SH3D19: variants seen among roughly 807,000 people sequenced by gnomAD.
The protein encoded by SH3D19 is SH3 domain-containing protein 19.
SH3D19 carries 58 observed loss-of-function variants against 112.1 expected under a neutral mutation model. The ratio of observed to expected loss-of-function variants is 0.52; its 90% CI spans 0.42 to 0.64. SH3D19 has a LOEUF of 0.64. SH3D19 is among the 30% of genes least tolerant of loss of function. SH3D19 has a pLI of 0.00. For missense variants in SH3D19, 1,090 were observed against 1,263.4 expected (o/e 0.86, Z 2.08); for synonymous variants, 391 against 448.5 (o/e 0.87, Z 1.62).
At chr4:151,254,952 G>C (rs1221410358) in intron 1 of SH3D19, among the ~76,000 whole-genome samples, 1 of 149,662 alleles carries the variant, frequency 6.7e-6, no homozygotes, top group Admixed American at 6.6e-5. Flanking sequence ...GCGGGGGGCT[G>C]ACGCCCCCAC....
At chr4:151,157,557 A>C (rs1230652198) in intron 9 of SH3D19, among the ~76,000 whole-genome samples, 1 of 152,228 alleles carries the variant, frequency 6.6e-6, no homozygotes, top group Non-Finnish European at 1.5e-5. Context: ...TACAAATAGA[A>C]CTACCATATG....
At chr4:151,317,091 A>G (rs938758590) in intron 1 of SH3D19, among the ~76,000 whole-genome samples, 1 of 152,180 alleles carries the variant, frequency 6.6e-6, no homozygotes, top group Non-Finnish European at 1.5e-5. Flanking sequence ...ATGACAAGTT[A>G]TGCTAGACAA....
At chr4:151,299,134 C>T (rs1472212213) in intron 1 of SH3D19, among the ~76,000 whole-genome samples, 1 of 152,154 alleles carries the variant, frequency 6.6e-6, no homozygotes, top group African/African-American at 2.4e-5. Context: ...GCTATGGTTG[C>T]AACTACTGCA....
intron 1 of SH3D19, among the ~76,000 whole-genome samples, chr4:151,289,918 T>G (rs981036534): frequency 6.6e-6 from 1 of 152,096 alleles, no homozygotes. Flanking sequence ...CATCTCTAAA[T>G]AAACAAAGAA....
chr4:151,211,209 G>A (rs1236064305), intron 2 of SH3D19, among the ~76,000 whole-genome samples: 1 of 151,576 alleles, frequency 6.6e-6, no homozygotes, highest in African/African-American at 2.4e-5. Flanking sequence ...GGCAGAAGTT[G>A]CAGTGAGCCA....
At chr4:151,205,184 T>C (rs1024280095) in intron 2 of SH3D19, among the ~76,000 whole-genome samples, 6 of 152,074 alleles carry the variant, frequency 3.9e-5, no homozygotes, top group African/African-American at 1.4e-4. Flanking sequence ...CATACAAAGG[T>C]ATCCTGGGAA....
intron 1 of SH3D19, among the ~76,000 whole-genome samples, chr4:151,317,666 T>A (rs1455179505): frequency 6.6e-6 from 1 of 152,094 alleles, no homozygotes; most frequent in African/African-American, 2.4e-5. Context: ...GAGCTTTCAG[T>A]GGACAATAAA....
chr4:151,210,010 A>G (rs1365958017), intron 2 of SH3D19, among the ~76,000 whole-genome samples: 1 of 152,226 alleles, frequency 6.6e-6, no homozygotes, highest in Non-Finnish European at 1.5e-5. Flanking sequence ...ATGGCCAAAT[A>G]GCGTAGGACC....
At chr4:151,258,583 CT>C (rs1436092225) in intron 1 of SH3D19, among the ~76,000 whole-genome samples, 2 of 152,208 alleles carry the variant, frequency 1.3e-5, no homozygotes, top group Non-Finnish European at 2.9e-5. Context: ...CCAACCTTCC[CT>C]TTTTCTTACC....
chr4:151,208,585 G>T (rs1030177346), intron 2 of SH3D19, among the ~76,000 whole-genome samples: 8 of 152,012 alleles, frequency 5.3e-5, no homozygotes, highest in Admixed American at 5.2e-4. Context: ...TGTCAGGCTG[G>T]TCTCCAACTC....
At chr4:151,198,856 C>T (rs531774654) in intron 2 of SH3D19, among the ~76,000 whole-genome samples, 7 of 152,088 alleles carry the variant, frequency 4.6e-5, no homozygotes, top group East Asian at 1.9e-4. Flanking sequence ...ATAAACACAA[C>T]GTGGAAACAG....
chr4:151,169,247 T>C (rs1434030899), intron 7 of SH3D19, among the ~76,000 whole-genome samples: 2 of 152,358 alleles, frequency 1.3e-5, no homozygotes, highest in East Asian at 3.9e-4. Flanking sequence ...TTTTAATAAC[T>C]GGCACTCAGA....
intron 2 of SH3D19, among the ~76,000 whole-genome samples, chr4:151,220,038 T>C (rs1332686189): frequency 1.3e-5 from 2 of 152,236 alleles, no homozygotes; most frequent in South Asian, 2.1e-4. Flanking sequence ...CTTTCCCTCA[T>C]TGATCCGTAA....
intron 1 of SH3D19, among the ~76,000 whole-genome samples, chr4:151,297,110 G>A (rs961298665): frequency 6.6e-6 from 1 of 152,176 alleles, no homozygotes; most frequent in Non-Finnish European, 1.5e-5. Context: ...AAGGAGGAAG[G>A]GGAGGAGTCA....
chr4:151,128,098 AG>A (rs1359406608), intron 18 of SH3D19, 71 bp downstream of exon 18: 1 of 1,269,186 alleles, frequency 7.9e-7, no homozygotes. Context: ...CAGAGGGGAA[AG>A]GAATGTATAT....
At position 151,311,768 on chromosome 4, in the gene SH3D19, A is replaced by G. The variant is rs115854337; in HGVS notation, c.112+13473T>C. Among the ~76,000 whole-genome samples the G allele has an allele frequency of 4.2e-3, 642 of 152,266 alleles. 4 individuals are homozygous for G. The highest frequency in any genetic ancestry group is 0.013 in the African/African-American group (560 of 41,558). ...GGTGGGAAGACCATTTGAGCCCGGG[A>G]GGTCAAGGCTTCAGTGAGCCGTGAT... On this transcript the variant is annotated intron_variant, in intron 1 of 19. Transcript: ENST00000604030.
chr4:151,325,232 G>T lies in SH3D19; in HGVS notation c.112+9C>A. 2 of 1,215,336 alleles carry T rather than the reference G, an allele frequency of 1.6e-6. No homozygotes were observed. Among genetic ancestry groups the T allele is most frequent in the Non-Finnish European group, 2.0e-6 (2 of 975,916 alleles). 75.3% of individuals were successfully genotyped at this position (1,215,336 alleles called of 1,614,324 possible). A position where few individuals can be genotyped will look rare whatever the true frequency, so the allele number is the denominator to read the frequency against. ...GGGTCCCCGCCGCCCCGTCCCCCGC[G>T]CCTCTCACCTGCGGCCGAGTGGCCC... On this transcript the variant is annotated intron_variant, in intron 1 of 19. Coordinates refer to ENST00000604030, the MANE Select transcript of SH3D19 (RefSeq NM_001378122.1).
intron 2 of SH3D19, among the ~76,000 whole-genome samples, chr4:151,219,431 A>G (rs893010387): frequency 6.6e-6 from 1 of 152,200 alleles, no homozygotes; most frequent in Admixed American, 6.5e-5. Context: ...ATCCCATTGC[A>G]GTTGTCCCTA....
chr4:151,136,582 T>TTGA (rs34884319), intron 14 of SH3D19, among the ~76,000 whole-genome samples: 130,924 of 152,006 alleles, frequency 0.86, 57,130 homozygotes, highest in Non-Finnish European at 0.95. Context: ...CAGTGCCTTC[T>TTGA]TGAATTTTAA....
Sources: gnomAD v4.1 joint callset for allele counts (sites outside exome capture counted in the v4.1 genomes callset) on GRCh38, gnomAD v4.1.1 for gene constraint, MANE v1.5 for transcripts, NCBI Gene and HGNC (gene_info 2026-07-23, HGNC 2026-07-21) for gene names.